The following MAGI2 variants were observed in gnomAD, a reference collection of about 807,000 sequenced individuals.
MAGI2 encodes membrane associated guanylate kinase, WW and PDZ domain containing 2.
A neutral mutation model predicts 133.3 loss-of-function variants in MAGI2; 35 were observed. The ratio of observed to expected loss-of-function variants is 0.26; its 90% CI spans 0.20 to 0.35. The LOEUF is 0.35. MAGI2 is among the 10% of genes least tolerant of loss of function. The pLI is 1.00. For synonymous variants in MAGI2, 729 were observed against 710.6 expected (o/e 1.03, Z -0.41); for missense variants, 1,636 against 1,863.4 (o/e 0.88, Z 2.25).
chr7:78,649,863 A>T (rs1811359669), intron 2 of MAGI2, among the ~76,000 whole-genome samples: 1 of 151,206 alleles, frequency 6.6e-6, no homozygotes, highest in South Asian at 2.1e-4. Context: ...TAATCGCATG[A>T]AAGTGCTGAG....
chr7:78,531,648 G>T (rs1425585435), intron 3 of MAGI2, among the ~76,000 whole-genome samples: 1 of 152,146 alleles, frequency 6.6e-6, no homozygotes, highest in South Asian at 2.1e-4. Context: ...GCAGATTCTT[G>T]TGATAGTCAT....
intron 2 of MAGI2, among the ~76,000 whole-genome samples, chr7:78,786,599 C>T (rs1366038994): frequency 6.6e-6 from 1 of 152,168 alleles, no homozygotes; most frequent in Admixed American, 6.5e-5. Context: ...CACTATAGGG[C>T]CTTTGTGTTT....
At chr7:78,886,407 T>C (rs1796273283) in intron 2 of MAGI2, among the ~76,000 whole-genome samples, 1 of 152,336 alleles carries the variant, frequency 6.6e-6, no homozygotes, top group Non-Finnish European at 1.5e-5. Flanking sequence ...GAAAAATCCA[T>C]GGATGTAATA....
intron 13 of MAGI2, among the ~76,000 whole-genome samples, chr7:78,183,770 C>A (rs1827422354): frequency 6.6e-6 from 1 of 152,134 alleles, no homozygotes; most frequent in Non-Finnish European, 1.5e-5. Flanking sequence ...GTCTTGCCAT[C>A]TTGTCTAGGT....
At chr7:78,346,203 G>A (rs993177951) in intron 7 of MAGI2, among the ~76,000 whole-genome samples, 160 bp from the exon 8 acceptor site, 7 of 152,216 alleles carry the variant, frequency 4.6e-5, no homozygotes, top group Non-Finnish European at 8.8e-5. Flanking sequence ...GGGCTGGCCT[G>A]TGTACAACAC....
chr7:79,202,524 A>G (rs1828703266), intron 1 of MAGI2, among the ~76,000 whole-genome samples: 1 of 152,026 alleles, frequency 6.6e-6, no homozygotes, highest in South Asian at 2.1e-4. Flanking sequence ...TACGAACTTC[A>G]TATGACTTAG....
chr7:79,300,069 AT>A lies in MAGI2; in HGVS notation c.301+152950del, dbSNP rs199598552. Among the ~76,000 whole-genome samples the A allele has an allele frequency of 4.2e-4, 64 of 152,004 alleles. No individual in the cohort carries two copies. The East Asian group carries it at 0.011, about 27-fold the overall frequency. On this transcript the variant is annotated intron_variant, in intron 1 of 21. Coordinates refer to ENST00000354212, the MANE Select transcript of MAGI2 (RefSeq NM_012301.4). ...TTAAATAAATTACCCAGTGTCAGGT[AT>A]TTTTTTTAGAGCAGTGTAAGAACAA...
chr7:78,990,156 A>T (rs575614406), intron 2 of MAGI2, among the ~76,000 whole-genome samples: 15 of 152,148 alleles, frequency 9.9e-5, no homozygotes, highest in Middle Eastern at 3.4e-3. Flanking sequence ...TGTGAGATAG[A>T]TGCTATTTTA....
chr7:78,965,330 G>C (rs1584521622), intron 2 of MAGI2, among the ~76,000 whole-genome samples: 2 of 151,528 alleles, frequency 1.3e-5, no homozygotes, highest in South Asian at 2.1e-4. Context: ...TATGTCAAAA[G>C]GTAGAATTTT....
At chr7:78,021,490 G>A (rs911775906) in intron 21 of MAGI2, among the ~76,000 whole-genome samples, 7 of 152,156 alleles carry the variant, frequency 4.6e-5, no homozygotes, top group Non-Finnish European at 8.8e-5. Context: ...TTAATGTCCA[G>A]GGTCTACTTT....
chr7:78,979,762 C>A (rs1475714263), intron 2 of MAGI2, among the ~76,000 whole-genome samples: 3 of 151,732 alleles, frequency 2.0e-5, no homozygotes, highest in Admixed American at 1.3e-4. Context: ...CCCTCCTTTA[C>A]CAAAGGGTTG....
chr7:79,206,099 A>C (rs554290739), intron 1 of MAGI2, among the ~76,000 whole-genome samples: 1 of 151,872 alleles, frequency 6.6e-6, no homozygotes, highest in African/African-American at 2.4e-5. Context: ...GGAAGTTTAC[A>C]GCAATAAATG....
chr7:78,813,236 A>C (rs571680300), intron 2 of MAGI2, among the ~76,000 whole-genome samples: 12 of 152,340 alleles, frequency 7.9e-5, no homozygotes, highest in Non-Finnish European at 1.5e-4. Context: ...TAACAAAGTC[A>C]TAGTTCAAGA....
At chr7:78,727,405 T>A (rs1820923864) in intron 2 of MAGI2, among the ~76,000 whole-genome samples, 1 of 152,218 alleles carries the variant, frequency 6.6e-6, no homozygotes, top group South Asian at 2.1e-4. Context: ...ACACTCTAAG[T>A]GCCCATAGAA....
intron 2 of MAGI2, among the ~76,000 whole-genome samples, chr7:78,790,316 T>C (rs2151366455): frequency 6.6e-6 from 1 of 152,176 alleles, no homozygotes; most frequent in South Asian, 2.1e-4. Context: ...ACCAGGTCCA[T>C]TATTTATTTA....
chr7:79,361,034 G>T (rs889826802), intron 1 of MAGI2, among the ~76,000 whole-genome samples: 1 of 152,074 alleles, frequency 6.6e-6, no homozygotes, highest in Non-Finnish European at 1.5e-5. Flanking sequence ...GATAAATCAT[G>T]CAAACTTTAA....
chr7:78,836,074 C>T (rs1384027449), intron 2 of MAGI2, among the ~76,000 whole-genome samples: 1 of 152,180 alleles, frequency 6.6e-6, no homozygotes, highest in Non-Finnish European at 1.5e-5. Flanking sequence ...TTTCTTTGTG[C>T]AGCCACCATA....
intron 6 of MAGI2, among the ~76,000 whole-genome samples, chr7:78,470,743 C>T (rs1791113205): frequency 6.6e-6 from 1 of 152,038 alleles, no homozygotes; most frequent in Non-Finnish European, 1.5e-5. Flanking sequence ...TTTTTCAATG[C>T]TTATGTGAGC....
At chr7:78,457,287 A>G (rs569680103) in intron 6 of MAGI2, among the ~76,000 whole-genome samples, 9 of 152,138 alleles carry the variant, frequency 5.9e-5, no homozygotes, top group Non-Finnish European at 1.3e-4. Context: ...AAAGTTTTCT[A>G]TGTTGTTTTA....
Sources: allele counts gnomAD v4.1 joint callset (sites outside exome capture counted in the v4.1 genomes callset), GRCh38; gene constraint gnomAD v4.1.1; transcripts MANE v1.5; gene names NCBI Gene and HGNC (gene_info 2026-07-23, HGNC 2026-07-21).